CARNS1: variants seen among roughly 807,000 people sequenced by gnomAD.
The protein encoded by CARNS1 is carnosine synthase 1, also known as ATP-grasp domain containing 1.
Under a neutral mutation model 74.0 loss-of-function variants are expected in CARNS1, and 61 were observed. The ratio of observed to expected loss-of-function variants is 0.82; its 90% CI spans 0.67 to 1.02. CARNS1 has a LOEUF of 1.02. CARNS1 is among the 50% of genes least tolerant of loss of function. The probability of loss-of-function intolerance (pLI) is 0.00; values close to 1 mark genes in which losing one functional copy is unlikely to be tolerated. For synonymous variants in CARNS1, 568 were observed against 605.5 expected, an observed-to-expected ratio of 0.94 and a Z score of 0.91; for missense variants, 1,278 against 1,308.4, an observed-to-expected ratio of 0.98 and a Z score of 0.36.
chr11:67,416,411 G>A (rs1373004443), intron 2 of CARNS1: 18 of 1,398,832 alleles, frequency 1.3e-5, no homozygotes, highest in Non-Finnish European at 1.6e-5. Context: ...TTCATTCCAT[G>A]GCCCCTCAGG....
rs776560474 is a variant in CARNS1 at position 67,421,126 on chromosome 11, C to T, written c.1533C>T (p.Arg511=). The T allele has an allele frequency of 1.6e-5, 23 of 1,470,346 alleles. No homozygotes were observed. The South Asian group carries it at 2.8e-4, about 18-fold the overall frequency. 91.1% of individuals were successfully genotyped at this position (1,470,346 alleles called of 1,614,324 possible). A position where few individuals can be genotyped will look rare whatever the true frequency, so the allele number is the denominator to read the frequency against. ...AGACCATGCTTCGGCGGTCGGCGCG[C>T]TGCCTCATGGAGGGAAAACAGCTGC... ...LVETMLRRSA[R]CLMEGKQLLV... Residue 511 remains arginine (R), a synonymous_variant, in exon 9 of 10, where the codon CGC becomes CGT. Transcript: ENST00000687366.
At chr11:67,418,622 G>A in intron 4 of CARNS1, 102 bp downstream of exon 4, 2 of 1,430,798 alleles carry the variant, frequency 1.4e-6, no homozygotes, top group Non-Finnish European at 1.9e-6. Context: ...GCAACTGCCT[G>A]CATTCCACCG....
At position 67,419,060 on chromosome 11, in the gene CARNS1, G is replaced by T. The variant is rs754123929; in HGVS notation, c.669G>T (p.Gln223His). The change falls in exon 5 of 10, where the codon CAG becomes CAT. Residue 223 changes from glutamine to histidine, a missense_variant. This residue lies in a region of CARNS1 where 1,164 missense variants were observed against 1,156.5 expected (regional missense o/e 1.01). Coordinates refer to ENST00000687366, the MANE Select transcript of CARNS1 (RefSeq NM_001166222.2). ...TGACAAGGCAGTTGCTGGCCCAGCA[G>T]GGTGGTGTGGCTGTGCCAGCAACCC... Reference protein sequence around the residue: ...RLLTRQLLAQQGGVAVPATLA... With the variant: ...RLLTRQLLAQHGGVAVPATLA... 1.9e-6 allele frequency: 3 copies of T among 1,559,844 alleles called. No individual in the cohort carries two copies. The highest frequency in any genetic ancestry group is 2.6e-6 in the Non-Finnish European group (3 of 1,153,260).
intron 7 of CARNS1, among the ~76,000 whole-genome samples, chr11:67,420,074 T>A (rs1863656266): frequency 6.6e-6 from 1 of 151,774 alleles, no homozygotes; most frequent in South Asian, 2.1e-4. Flanking sequence ...CCACGCTGGG[T>A]AGTACCAGGG....
At position 67,423,477 on chromosome 11, in the gene CARNS1, C is replaced by T. The variant is rs569805867; in HGVS notation, c.1729C>T (p.Arg577Trp). 2.0e-5 allele frequency: 32 copies of T among 1,614,050 alleles called. No individual in the cohort carries two copies. Among genetic ancestry groups the T allele is most frequent in the Admixed American group, 1.2e-4 (7 of 60,022 alleles). Reference sequence around the variant, plus strand: ...GCACCGGAGGGATGAGGAGAACGCACGGCTGCTGGCAGAGTTGGTGCGGGC... The same window carrying T: ...GCACCGGAGGGATGAGGAGAACGCATGGCTGCTGGCAGAGTTGGTGCGGGC... ...TEHRRDEENA[R>W]LLAELVRARG... The change falls in exon 10 of 10, where the codon CGG becomes TGG. Residue 577 changes from arginine to tryptophan, a missense_variant. Around this residue, in one of 3 missense-constraint regions of CARNS1, gnomAD observed 1,164 missense variants for 1,156.5 expected, o/e 1.01. Coordinates refer to ENST00000687366, the MANE Select transcript of CARNS1 (RefSeq NM_001166222.2). The surrounding 1 kb of genome is among the most constrained non-coding windows in gnomAD (Gnocchi z 5.1).
At position 67,419,836 on chromosome 11, in the gene CARNS1, A is replaced by C; in HGVS notation, c.1111A>C (p.Lys371Gln). 6.3e-7 allele frequency: 1 copy of C among 1,579,122 alleles called. No individual in the cohort carries two copies. Among genetic ancestry groups the C allele is most frequent in the Non-Finnish European group, 8.6e-7 (1 of 1,163,282 alleles). ...ACAGGGTGATAGGCCACTGCTGAGCAAGGTGAGCGTGGCCCAGGCCCAGGC... is the reference window on the plus strand; with the variant it reads ...ACAGGGTGATAGGCCACTGCTGAGCCAGGTGAGCGTGGCCCAGGCCCAGGC... ...RTQGDRPLLS[K>Q]VVCGVGRGDR... The change falls in exon 7 of 10, where the codon AAG (lysine) becomes CAG (glutamine). Residue 371 changes from lysine to glutamine, a missense_variant and splice_region_variant. Around this residue, in one of 3 missense-constraint regions of CARNS1, gnomAD observed 1,164 missense variants for 1,156.5 expected, o/e 1.01. Transcript: ENST00000687366.
Position 67,421,161 on chromosome 11 carries a change from G to C in CARNS1, c.1568G>C (p.Gly523Ala), listed in dbSNP as rs1554987904. The C allele has an allele frequency of 4.0e-6, 6 of 1,496,408 alleles. No homozygotes were observed. The highest frequency in any genetic ancestry group is 5.3e-6 in the Non-Finnish European group (6 of 1,129,008). The allele number at this position is 1,496,408 out of a possible 1,614,324, so 92.7% of individuals were successfully genotyped here. A position where few individuals can be genotyped will look rare whatever the true frequency, so the allele number is the denominator to read the frequency against. Residue 523 changes from glycine (G) to alanine (A), a missense_variant, in exon 9 of 10, where the codon GGC becomes GCC. By Grantham distance (60) the Gly-to-Ala change is moderately conservative. This residue lies in a region of CARNS1 where 1,164 missense variants were observed against 1,156.5 expected (regional missense o/e 1.01). Coordinates refer to ENST00000687366, the MANE Select transcript of CARNS1 (RefSeq NM_001166222.2). ...GAGGGAAAACAGCTGCTGGTGGTCG[G>C]CGCTGGCGGCGTCAGCAAGAAGTTC... ...LMEGKQLLVV[G>A]AGGVSKKFVW...
rs1863785353 is a variant in CARNS1 at position 67,424,447 on chromosome 11, T to C, written c.2699T>C (p.Leu900Pro). 6.3e-7 allele frequency: 1 copy of C among 1,589,532 alleles called. No homozygotes were observed. Among genetic ancestry groups the C allele is most frequent in the Non-Finnish European group, 8.6e-7 (1 of 1,169,082 alleles). ...CGCCTCAATCTGCTGGAGGAGGCCCTGGTGCCTGGCGAGTATGAGGAGCCC... is the reference window on the plus strand; with the variant it reads ...CGCCTCAATCTGCTGGAGGAGGCCCCGGTGCCTGGCGAGTATGAGGAGCCC... ...LLRLNLLEEA[L>P]VPGEYEEPYC... Residue 900 changes from leucine to proline, a missense_variant, in exon 10 of 10, where the codon CTG becomes CCG. Coordinates refer to ENST00000687366, the MANE Select transcript of CARNS1 (RefSeq NM_001166222.2).
Position 67,417,633 on chromosome 11 carries a change from C to T in CARNS1, c.230C>T (p.Ala77Val). 1 of 1,271,494 alleles carries T rather than the reference C, an allele frequency of 7.9e-7. No homozygotes were observed. Among genetic ancestry groups the T allele is most frequent in the East Asian group, 3.1e-5 (1 of 31,842 alleles). The allele number at this position is 1,271,494 out of a possible 1,614,324, so 78.8% of individuals were successfully genotyped here. Residue 77 changes from alanine (A) to valine (V), a missense_variant, in exon 3 of 10, where the codon GCT (alanine) becomes GTT (valine). Around this residue, in one of 3 missense-constraint regions of CARNS1, gnomAD observed 104 missense variants for 127.3 expected, o/e 0.82. Transcript: ENST00000687366. ...CTCCTGCAGAGCTGTCTGCAGCAAG[C>T]TGGCCTTCCGGAGACTCAGGACCGC... is the stretch of plus-strand genomic sequence containing the variant. ...YSLLQSCLQQ[A>V]GLPETQDRGQ...
Position 67,420,672 on chromosome 11 carries a change from C to G in CARNS1, c.1177C>G (p.Leu393Val). 1 of 1,261,540 alleles carries G rather than the reference C, an allele frequency of 7.9e-7. No individual in the cohort carries two copies. Among genetic ancestry groups the G allele is most frequent in the South Asian group, 3.2e-5 (1 of 31,246 alleles). 78.1% of individuals were successfully genotyped at this position (1,261,540 alleles called of 1,614,324 possible). Residue 393 changes from leucine to valine, a missense_variant, in exon 8 of 10, where the codon CTG becomes GTG. By Grantham distance (32) the Leu-to-Val change is conservative (BLOSUM62 1). This residue lies in a region of CARNS1 where 1,164 missense variants were observed against 1,156.5 expected (regional missense o/e 1.01). Coordinates refer to ENST00000687366, the MANE Select transcript of CARNS1 (RefSeq NM_001166222.2). ...LRHHNSLPRT[L>V]EVALAQCGLG... is the part of the protein sequence containing the mutation. ...GCACCACAACTCCCTGCCGAGGACG[C>G]TGGAGGTGGCGCTGGCCCAGTGCGG...
chr11:67,418,777 C>T lies in CARNS1; in HGVS notation c.386C>T (p.Ser129Phe), dbSNP rs1185985469. 2.5e-6 allele frequency: 4 copies of T among 1,598,662 alleles called. No homozygotes were observed. The highest frequency in any genetic ancestry group is 1.1e-5 in the South Asian group (1 of 88,764). ...ACAGGAAACATGCTCCTTTGCCTGT[C>T]CCCTGCTTGGCTGATGAAGGTGCCA... Reference protein sequence around the residue: ...QSPGNMLLCLSPAWLMKVPAP... With the variant: ...QSPGNMLLCLFPAWLMKVPAP... The change falls in exon 5 of 10, where the codon TCC becomes TTC. Residue 129 changes from serine (S) to phenylalanine (F), a missense_variant. Physicochemically the swap from Ser to Phe is radical, Grantham distance 155. Transcript: ENST00000687366.
Position 67,424,660 on chromosome 11 carries a change from T to C in CARNS1, c.*59T>C. ...GTGGAGGCACTGTGGTGCCCTCTGC[T>C]CCCTGGAGCTCTTCCTGCTTCTCTC... On this transcript the variant is annotated 3_prime_UTR_variant, in exon 10 of 10. Coordinates refer to ENST00000687366, the MANE Select transcript of CARNS1 (RefSeq NM_001166222.2). The C allele has an allele frequency of 6.7e-7, 1 of 1,488,042 alleles. No individual in the cohort carries two copies. The highest frequency in any genetic ancestry group is 9.0e-7 in the Non-Finnish European group (1 of 1,114,122). 92.2% of individuals were successfully genotyped at this position (1,488,042 alleles called of 1,614,324 possible).
rs777051639 is a variant in CARNS1, at chr11:67,417,582, G to A, written c.179G>A (p.Arg60Gln). The A allele has an allele frequency of 2.1e-5, 28 of 1,355,774 alleles. 2 individuals are homozygous for A. Among genetic ancestry groups the A allele is most frequent in the South Asian group, 1.8e-4 (10 of 56,596 alleles). 84.0% of individuals were successfully genotyped at this position (1,355,774 alleles called of 1,614,324 possible). A position where few individuals can be genotyped will look rare whatever the true frequency, so the allele number is the denominator to read the frequency against. ...GGATCCCCCGAGGGGGCCGAGGCCC[G>A]GGCTTGGACTGTCTACTACTACAGC... is the stretch of plus-strand genomic sequence containing the variant. ...CKGSPEGAEA[R>Q]AWTVYYYSLL... The change falls in exon 3 of 10, where the codon CGG becomes CAG. Residue 60 changes from arginine (R) to glutamine (Q), a missense_variant. Physicochemically the swap from Arg to Gln is conservative, Grantham distance 43 (BLOSUM62 1). This residue lies in a region of CARNS1 where 104 missense variants were observed against 127.3 expected (regional missense o/e 0.82). Transcript: ENST00000687366.
rs767755490 is a variant in CARNS1, at chr11:67,424,291, C to T, written c.2543C>T (p.Ala848Val). The change falls in exon 10 of 10, where the codon GCC becomes GTC. Residue 848 changes from alanine to valine, a missense_variant. Ala to Val is a moderately conservative substitution (Grantham distance 64). Transcript: ENST00000687366. ...ATGGTGGCCTGTGGCTTGCGTCCTG[C>T]CCTGCCCACCCGCCCACGTGCTCGT... The part of the protein sequence containing the change: ...AVMVACGLRP[A>V]LPTRPRARGH... 16 of 1,612,292 alleles carry T rather than the reference C, an allele frequency of 9.9e-6. No individual in the cohort carries two copies. The highest frequency in any genetic ancestry group is 1.4e-5 in the Non-Finnish European group (16 of 1,179,658).
intron 7 of CARNS1, 125 bp from the exon 8 acceptor site, chr11:67,420,484 G>T (rs1368667627): frequency 2.0e-6 from 1 of 512,436 alleles, no homozygotes; most frequent in Non-Finnish European, 3.0e-6. Context: ...TTTAAGACAC[G>T]TTGGAGGACG....
rs1565138228 is a variant in CARNS1, at chr11:67,423,358, C to T, written c.1627-17C>T. On this transcript the variant is annotated splice_polypyrimidine_tract_variant and intron_variant, in intron 9 of 9. Coordinates refer to ENST00000687366, the MANE Select transcript of CARNS1 (RefSeq NM_001166222.2). This position sits in a 1 kb window ranked among gnomAD's most constrained non-coding sequence, Gnocchi z 5.1. The stretch of plus-strand genomic sequence containing the variant: ...TACTAGCTGACCTGGATATGCCCCA[C>T]CCTGTGGCTTCTGCAGCTGCACCTC... 8 of 1,587,818 alleles carry T rather than the reference C, an allele frequency of 5.0e-6. No individual in the cohort carries two copies. In the East Asian group the frequency reaches 1.6e-4, roughly 31 times the overall value.
At chr11:67,421,948 C>T (rs752107266) in intron 9 of CARNS1, among the ~76,000 whole-genome samples, 2 of 151,146 alleles carry the variant, frequency 1.3e-5, no homozygotes, top group Non-Finnish European at 2.9e-5. Context: ...GGTGCAGTGG[C>T]GTGATCTCGG....
chr11:67,420,782 G>C lies in CARNS1; in HGVS notation c.1287G>C (p.Leu429=). 8.1e-7 allele frequency: 1 copy of C among 1,238,434 alleles called. No individual in the cohort carries two copies. The highest frequency in any genetic ancestry group is 1.0e-6 in the Non-Finnish European group (1 of 993,658). 76.7% of individuals were successfully genotyped at this position (1,238,434 alleles called of 1,614,324 possible). Residue 429 remains leucine (L), a synonymous_variant, in exon 8 of 10, where the codon CTG becomes CTC. Transcript: ENST00000687366. ...AEAALAAVLA[L]EAGLSAEQRG... ...CCGCGCTGGCCGCCGTGCTGGCTCT[G>C]GAGGCCGGCCTGAGTGCCGAGCAGC...
Position 67,417,592 on chromosome 11 carries a change from T to C in CARNS1, c.189T>C (p.Thr63=), listed in dbSNP as rs1319723867. The C allele has an allele frequency of 3.0e-6, 4 of 1,331,094 alleles. No homozygotes were observed. Among genetic ancestry groups the C allele is most frequent in the South Asian group, 3.8e-5 (2 of 51,976 alleles). The allele number at this position is 1,331,094 out of a possible 1,614,324, so 82.5% of individuals were successfully genotyped here. ...AGGGGGCCGAGGCCCGGGCTTGGACTGTCTACTACTACAGCCTCCTGCAGA... is the reference window on the plus strand; with the variant it reads ...AGGGGGCCGAGGCCCGGGCTTGGACCGTCTACTACTACAGCCTCCTGCAGA... The part of the protein sequence containing the change: ...SPEGAEARAW[T]VYYYSLLQSC... The change falls in exon 3 of 10, where the codon ACT becomes ACC. Residue 63 remains threonine, a synonymous_variant. Coordinates refer to ENST00000687366, the MANE Select transcript of CARNS1 (RefSeq NM_001166222.2).
Sources: allele counts gnomAD v4.1 joint callset (sites outside exome capture counted in the v4.1 genomes callset), GRCh38; gene constraint gnomAD v4.1.1; regional missense constraint gnomAD v4.1.1; non-coding constraint Gnocchi (gnomAD v3.1); transcripts MANE v1.5; gene names NCBI Gene and HGNC (gene_info 2026-07-23, HGNC 2026-07-21).